The following HDAC9 variants were observed in gnomAD, a reference collection of about 807,000 sequenced individuals.
HDAC9 encodes MEF-2 interacting transcription repressor (MITR) protein.
Under a neutral mutation model 139.4 loss-of-function variants are expected in HDAC9, and 41 were observed. The observed-to-expected ratio is 0.29, with a 90% CI of 0.23 to 0.38. The LOEUF is 0.38. HDAC9 is among the 10% of genes least tolerant of loss of function. HDAC9 has a pLI of 1.00. For synonymous variants in HDAC9, 517 were observed against 476.2 expected, an observed-to-expected ratio of 1.09 and a Z score of -1.12; for missense variants, 1,147 against 1,297.0, an observed-to-expected ratio of 0.88 and a Z score of 1.78.
At chr7:18,422,509 CCA>C (rs1158675074) in intron 1 of HDAC9, among the ~76,000 whole-genome samples, 10 of 152,042 alleles carry the variant, frequency 6.6e-5, no homozygotes, top group Non-Finnish European at 1.5e-5. Flanking sequence ...CAGTTTCTGT[CCA>C]TGGACTAATA....
chr7:18,378,801 A>G (rs985133278), intron 1 of HDAC9, among the ~76,000 whole-genome samples: 2 of 152,150 alleles, frequency 1.3e-5, no homozygotes, highest in African/African-American at 4.8e-5. Flanking sequence ...ATATGTCTAC[A>G]CAATTGAAGC....
chr7:18,826,516 C>T (rs1237239371), intron 17 of HDAC9, among the ~76,000 whole-genome samples: 5 of 152,068 alleles, frequency 3.3e-5, no homozygotes, highest in African/African-American at 4.8e-5. Context: ...TCATTTTCAA[C>T]CTAAGATTAA....
intron 16 of HDAC9, among the ~76,000 whole-genome samples, chr7:18,781,579 A>T (rs1386752480): frequency 1.3e-5 from 2 of 152,050 alleles, no homozygotes; most frequent in African/African-American, 4.8e-5. Flanking sequence ...AATAGATTTG[A>T]CTTTATTACC....
At chr7:18,598,513 A>G (rs1040244144) in intron 6 of HDAC9, among the ~76,000 whole-genome samples, 4 of 152,180 alleles carry the variant, frequency 2.6e-5, no homozygotes, top group African/African-American at 9.6e-5. Flanking sequence ...TCTCTAGGCC[A>G]CGATTCCCTC....
intron 1 of HDAC9, among the ~76,000 whole-genome samples, chr7:18,105,654 A>G (rs1783145208): frequency 1.3e-5 from 2 of 151,486 alleles, no homozygotes; most frequent in Admixed American, 1.3e-4. Flanking sequence ...TGAATGCAAA[A>G]TGGGCACAGC....
chr7:18,991,683 A>G (rs1785984713), intron 25 of HDAC9, among the ~76,000 whole-genome samples: 1 of 152,084 alleles, frequency 6.6e-6, no homozygotes, highest in African/African-American at 2.4e-5. Context: ...AAACAGACTT[A>G]CTTATGACAC....
intron 1 of HDAC9, among the ~76,000 whole-genome samples, chr7:18,401,542 G>C (rs1403206960): frequency 6.6e-6 from 1 of 152,180 alleles, no homozygotes; most frequent in Admixed American, 6.5e-5. Flanking sequence ...TCATGGTGGT[G>C]ATCATGGTAT....
intron 1 of HDAC9, among the ~76,000 whole-genome samples, chr7:18,396,829 C>T (rs781010815): frequency 6.6e-6 from 1 of 152,028 alleles, no homozygotes; most frequent in Non-Finnish European, 1.5e-5. Context: ...TCCTTGTTGC[C>T]GATTTTGATG....
At chr7:18,164,202 G>T (rs1302578958) in intron 2 of HDAC9, among the ~76,000 whole-genome samples, 1 of 152,116 alleles carries the variant, frequency 6.6e-6, no homozygotes, top group Non-Finnish European at 1.5e-5. Flanking sequence ...AAATGTGCCA[G>T]GTGGGTAGGA....
chr7:18,564,462 C>G (rs1821629433), intron 2 of HDAC9, among the ~76,000 whole-genome samples: 1 of 152,108 alleles, frequency 6.6e-6, no homozygotes, highest in Non-Finnish European at 1.5e-5. Flanking sequence ...CTTTATTTTA[C>G]AGTTTGGTTT....
At chr7:18,188,726 G>C (rs1232250769) in intron 2 of HDAC9, among the ~76,000 whole-genome samples, 1 of 152,156 alleles carries the variant, frequency 6.6e-6, no homozygotes, top group East Asian at 1.9e-4. Flanking sequence ...TACATAGCCA[G>C]CGAACATGTG....
intron 21 of HDAC9, among the ~76,000 whole-genome samples, chr7:18,848,591 C>A (rs1469119376): frequency 6.6e-6 from 1 of 151,846 alleles, no homozygotes; most frequent in African/African-American, 2.4e-5. Context: ...ACCATCCTGG[C>A]ACACTGACCT....
chr7:18,374,185 GTGTA>G (rs1392722044), intron 1 of HDAC9, among the ~76,000 whole-genome samples: 2 of 145,786 alleles, frequency 1.4e-5, no homozygotes, highest in Non-Finnish European at 3.0e-5. Flanking sequence ...TAAATCTAGT[GTGTA>G]TGTATGTGTG....
At chr7:18,303,417 GTGTGTGTT>G (rs1355688956) in intron 1 of HDAC9, among the ~76,000 whole-genome samples, 3,191 of 114,340 alleles carry the variant, frequency 0.028, 151 homozygotes, top group African/African-American at 0.13. Context: ...GTGTGTGTGT[GTGTGTGTT>G]TTTAGTAGAG....
At chr7:18,187,711 C>T (rs1790024920) in intron 2 of HDAC9, among the ~76,000 whole-genome samples, 1 of 152,138 alleles carries the variant, frequency 6.6e-6, no homozygotes, top group Non-Finnish European at 1.5e-5. Context: ...TACAGTGTTG[C>T]CTAGTGAATC....
In HDAC9 at chr7:18,605,517, C is replaced by A. The variant is rs377758474; in HGVS notation, c.664+11488C>A. On this transcript the variant is annotated intron_variant, in intron 6 of 25. Coordinates refer to ENST00000686413, the MANE Select transcript of HDAC9 (RefSeq NM_178425.4). The stretch of plus-strand genomic sequence containing the variant: ...TTACTTTTTCATTAGACAAGTATTA[C>A]AAAATGGTTACTTTTCTTCCCTCTC... Among the ~76,000 whole-genome samples, 6 of 152,252 alleles carry A rather than the reference C, an allele frequency of 3.9e-5. No homozygotes were observed. The East Asian group carries it at 7.7e-4, about 20-fold the overall frequency.
chr7:18,335,257 A>AG (rs1326844710), intron 1 of HDAC9, among the ~76,000 whole-genome samples: 1 of 151,592 alleles, frequency 6.6e-6, no homozygotes, highest in Non-Finnish European at 1.5e-5. Flanking sequence ...CATGTAATGC[A>AG]GGGCACAGGA....
intron 21 of HDAC9, among the ~76,000 whole-genome samples, chr7:18,864,364 A>T (rs1427186454): frequency 6.6e-6 from 1 of 152,008 alleles, no homozygotes; most frequent in African/African-American, 2.4e-5. Context: ...GTTGCCAGGG[A>T]CTGGGACCAG....
intron 2 of HDAC9, among the ~76,000 whole-genome samples, chr7:18,284,957 T>G (rs1797340796): frequency 6.6e-6 from 1 of 152,208 alleles, no homozygotes; most frequent in Non-Finnish European, 1.5e-5. Context: ...GTTTCCACAT[T>G]AAAGTTGGGT....
Sources: allele counts gnomAD v4.1 joint callset (sites outside exome capture counted in the v4.1 genomes callset), GRCh38; gene constraint gnomAD v4.1.1; transcripts MANE v1.5; gene names NCBI Gene and HGNC (gene_info 2026-07-23, HGNC 2026-07-21).